SEC14L4: variants seen among roughly 807,000 people sequenced by gnomAD.
SEC14L4 encodes SEC14-like protein 4.
Under a neutral mutation model 55.1 loss-of-function variants are expected in SEC14L4, and 42 were observed. That is an observed-to-expected ratio of 0.76 (90% CI 0.60 to 0.99). The LOEUF (loss-of-function observed/expected upper bound fraction) is 0.99. Among genes scored for constraint, SEC14L4 ranks in the 50% least tolerant of loss-of-function variants. SEC14L4 has a pLI of 0.00. For synonymous variants in SEC14L4, 206 were observed against 206.8 expected, an observed-to-expected ratio of 1.00 and a Z score of 0.03; for missense variants, 445 against 512.1, an observed-to-expected ratio of 0.87 and a Z score of 1.27.
chr22:30,502,289 C>T (rs75091431), intron 2 of SEC14L4, among the ~76,000 whole-genome samples: 1 of 152,168 alleles, frequency 6.6e-6, no homozygotes, highest in African/African-American at 2.4e-5. Context: ...TGACTCACAG[C>T]GCCCTGAAGG....
At chr22:30,494,263 A>G in intron 6 of SEC14L4, 53 bp from the exon 7 acceptor site, 1 of 1,458,522 alleles carries the variant, frequency 6.9e-7, no homozygotes, top group Non-Finnish European at 9.6e-7. Flanking sequence ...CCTCCCGCCC[A>G]TGGGTTTCTG....
chr22:30,494,789 C>A (rs1287482705), intron 6 of SEC14L4, 77 bp downstream of exon 6: 31 of 958,602 alleles, frequency 3.2e-5, no homozygotes, highest in Non-Finnish European at 5.0e-5. Context: ...TCACTGGATT[C>A]TCACATCAAT....
intron 2 of SEC14L4, among the ~76,000 whole-genome samples, chr22:30,500,750 C>T (rs536390555): frequency 4.5e-4 from 40 of 88,172 alleles, no homozygotes; most frequent in African/African-American, 1.8e-3. Context: ...GATATGAGAA[C>T]AGAATTTTTT....
Position 30,489,229 on chromosome 22 carries a change from ATTTG to A in SEC14L4, c.*874_*877del, listed in dbSNP as rs71198557. On this transcript the variant is annotated 3_prime_UTR_variant, in exon 12 of 12. Transcript: ENST00000255858. Reference sequence around the variant, plus strand: ...TCTCCATGTCCAATGTTCTTTCTTTATTTGTTTGTTTGTTTGTTTGTTTGTTTAG... The same window carrying A: ...TCTCCATGTCCAATGTTCTTTCTTTATTTGTTTGTTTGTTTGTTTGTTTAG... 4,360 of 151,752 alleles carry A rather than the reference ATTTG, an allele frequency of 0.029. 193 individuals carry two copies. Among genetic ancestry groups the A allele is most frequent in the African/African-American group, 0.096 (3,926 of 40,864 alleles). 9.4% of individuals were successfully genotyped at this position (151,752 alleles called of 1,614,324 possible). A position where few individuals can be genotyped will look rare whatever the true frequency, so the allele number is the denominator to read the frequency against.
intron 3 of SEC14L4, 68 bp downstream of exon 3, chr22:30,495,860 C>T (rs954682585): frequency 6.3e-7 from 1 of 1,594,074 alleles, no homozygotes; most frequent in Non-Finnish European, 8.6e-7. Flanking sequence ...AGAGTCTCTA[C>T]CCTTTTGCAG....
intron 2 of SEC14L4, among the ~76,000 whole-genome samples, chr22:30,502,002 A>T (rs1422233644): frequency 6.6e-6 from 1 of 150,648 alleles, no homozygotes; most frequent in East Asian, 1.9e-4. Flanking sequence ...GAGTAGCTGG[A>T]ACTACAGGCA....
rs777166289 is a variant in SEC14L4, at chr22:30,492,078, G to T, written c.742C>A (p.Pro248Thr). The T allele has an allele frequency of 2.0e-5, 33 of 1,613,704 alleles. No individual in the cohort carries two copies. Among genetic ancestry groups the T allele is most frequent in the Non-Finnish European group, 2.6e-5 (31 of 1,179,846 alleles). Residue 248 changes from proline (P) to threonine (T), a missense_variant, in exon 9 of 12, where the codon CCC (proline) becomes ACC (threonine). Transcript: ENST00000255858. ...GTCAGGCACTTGGGGTTGCCATCGG[G>T]GTCAGTCATGGTCCCCCCAAACTCC... ...PVEFGGTMTD[P>T]DGNPKCLTKI...
At position 30,505,016 on chromosome 22, in the gene SEC14L4, C is replaced by T. The variant is rs560254575; in HGVS notation, c.54+542G>A. Among the ~76,000 whole-genome samples, 73 of 151,544 alleles carry T rather than the reference C, an allele frequency of 4.8e-4. 1 individual carries two copies. Among genetic ancestry groups the T allele is most frequent in the African/African-American group, 1.7e-3 (72 of 41,298 alleles). ...GTGTGGTGGCGGGCACCTGTAGCCC[C>T]AGCTACTTGGGAGGCTGAGGCAGGA... On this transcript the variant is annotated intron_variant, in intron 1 of 11. Coordinates refer to ENST00000255858, the MANE Select transcript of SEC14L4 (RefSeq NM_174977.4).
At chr22:30,500,664 C>T (rs1177735664) in intron 2 of SEC14L4, among the ~76,000 whole-genome samples, 1 of 150,122 alleles carries the variant, frequency 6.7e-6, no homozygotes, top group African/African-American at 2.5e-5. Flanking sequence ...CTGTGCCCAG[C>T]TATAGGAGAT....
chr22:30,496,000 C>G, intron 2 of SEC14L4, 29 bp from the exon 3 acceptor site: 1 of 1,609,880 alleles, frequency 6.2e-7, no homozygotes, highest in Non-Finnish European at 8.5e-7. Flanking sequence ...AATAGAAGCT[C>G]AAGGCTAGAT....
chr22:30,491,408 G>A (rs558315081), intron 11 of SEC14L4, 165 bp downstream of exon 11: 8 of 720,266 alleles, frequency 1.1e-5, no homozygotes, highest in Non-Finnish European at 1.4e-5. Context: ...ATGAATCTCT[G>A]CCCTCATACC....
At position 30,491,600 on chromosome 22, in the gene SEC14L4, T is replaced by TCATGGTG. The variant is rs1935955906; in HGVS notation, c.1053_1054insCACCATG (p.Ser352HisfsTer42). 4 of 1,614,072 alleles carry TCATGGTG rather than the reference T, an allele frequency of 2.5e-6. No homozygotes were observed. Among genetic ancestry groups the TCATGGTG allele is most frequent in the Non-Finnish European group, 3.4e-6 (4 of 1,179,994 alleles). ...ACGCCAGCCTGGAGGCAGGTGAGGCTCCCATCCTCAGGCACCATGTGGGCA... is the reference window on the plus strand; with the variant it reads ...ACGCCAGCCTGGAGGCAGGTGAGGCTCATGGTGCCCATCCTCAGGCACCATGTGGGCA... On this transcript the variant is annotated frameshift_variant, in exon 11 of 12. Transcript: ENST00000255858. LOFTEE classifies it low-confidence loss of function (END_TRUNC).
At chr22:30,495,732 C>G in intron 3 of SEC14L4, 90 bp from the exon 4 acceptor site, 1 of 1,610,538 alleles carries the variant, frequency 6.2e-7, no homozygotes, top group East Asian at 2.2e-5. Flanking sequence ...AAGATCCCAC[C>G]ACAGCATACC....
Position 30,495,277 on chromosome 22 carries a change from C to T in SEC14L4, c.400G>A (p.Glu134Lys). The T allele has an allele frequency of 6.2e-7, 1 of 1,612,234 alleles. No individual in the cohort carries two copies. Among genetic ancestry groups the T allele is most frequent in the Non-Finnish European group, 8.5e-7 (1 of 1,179,228 alleles). Residue 134 changes from glutamate (E) to lysine (K), a missense_variant, in exon 5 of 12, where the codon GAG (glutamate) becomes AAG (lysine). Glu to Lys is a moderately conservative substitution (Grantham distance 56). Transcript: ENST00000255858. ...RIKVCELLLH[E>K]CELQTQKLGR... ...ACCTTCTGAGTTTGCAGCTCACACT[C>T]ATGCAACAGCAGCTCACAGACTTTG...
intron 2 of SEC14L4, among the ~76,000 whole-genome samples, chr22:30,500,212 T>C (rs1476683858): frequency 1.3e-5 from 2 of 152,118 alleles, no homozygotes; most frequent in African/African-American, 2.4e-5. Flanking sequence ...GTAGAACCAC[T>C]GGAGTCTGAG....
chr22:30,492,660 A>G, intron 7 of SEC14L4, 103 bp from the exon 8 acceptor site: 1 of 854,362 alleles, frequency 1.2e-6, no homozygotes, highest in South Asian at 1.4e-5. Flanking sequence ...ACAGATATGG[A>G]TTCTGCCACT....
intron 2 of SEC14L4, 141 bp downstream of exon 2, chr22:30,503,536 T>C (rs1429681026): frequency 2.9e-5 from 14 of 480,792 alleles, no homozygotes; most frequent in Non-Finnish European, 4.9e-5. Flanking sequence ...GTGCTGGGAT[T>C]ACAGGTGTGA....
In SEC14L4 at chr22:30,503,195, G is replaced by A. The variant is rs562607971; in HGVS notation, c.130+482C>T. On this transcript the variant is annotated intron_variant, in intron 2 of 11. Transcript: ENST00000255858. ...CTGAGGCTCAGTGGGGTTTTGTGCTGTGCTCATACACAGGGGAGCTCAGAT... is the reference window on the plus strand; with the variant it reads ...CTGAGGCTCAGTGGGGTTTTGTGCTATGCTCATACACAGGGGAGCTCAGAT... 1.3e-4 allele frequency among the ~76,000 whole-genome samples: 20 copies of A among 152,272 alleles called. No individual in the cohort carries two copies. In the South Asian group the frequency reaches 4.2e-3, roughly 32 times the overall value.
At chr22:30,503,835 A>C in intron 1 of SEC14L4, 83 bp from the exon 2 acceptor site, 1 of 1,039,762 alleles carries the variant, frequency 9.6e-7, no homozygotes, top group Non-Finnish European at 1.5e-6. Flanking sequence ...TTCCCACATC[A>C]TCCACCAGTC....
Sources: gnomAD v4.1 joint callset for allele counts (sites outside exome capture counted in the v4.1 genomes callset) on GRCh38, gnomAD v4.1.1 for gene constraint, MANE v1.5 for transcripts, NCBI Gene and HGNC (gene_info 2026-07-23, HGNC 2026-07-21) for gene names.